ITGA11: variants seen among roughly 807,000 people sequenced by gnomAD.
ITGA11 encodes the protein integrin subunit alpha 11, also known as integrin alpha-11.
ITGA11 carries 97 observed loss-of-function variants against 141.9 expected under a neutral mutation model. The observed-to-expected ratio is 0.68, with a 90% CI of 0.58 to 0.81. ITGA11 has a LOEUF of 0.81. Ranked by LOEUF, ITGA11 falls within the 30% of genes least tolerant of loss-of-function variation. ITGA11 has a pLI of 0.00. For synonymous variants in ITGA11, 658 were observed against 624.6 expected (o/e 1.05, Z -0.80); for missense variants, 1,387 against 1,559.2 (o/e 0.89, Z 1.86).
intron 5 of ITGA11, 150 bp from the exon 6 acceptor site, chr15:68,358,735 A>C: frequency 1.2e-6 from 1 of 847,376 alleles, no homozygotes; most frequent in South Asian, 2.1e-5. Context: ...TTGGACATTT[A>C]TTTGGGCAAT....
Position 68,411,992 on chromosome 15 carries a change from TGAGCCCAGCA to T in ITGA11, c.53-8973_53-8964del, listed in dbSNP as rs533058390. 2.2e-4 allele frequency among the ~76,000 whole-genome samples: 34 copies of T among 152,178 alleles called. No homozygotes were observed. The East Asian group carries it at 6.6e-3, about 30-fold the overall frequency. ...CCCCCAAACTCACAAGCAAGCCCAGTGAGCCCAGCAGAGCCACTCAGTTGAGCTTAGCTTG... is the reference window on the plus strand; with the variant it reads ...CCCCCAAACTCACAAGCAAGCCCAGTGAGCCACTCAGTTGAGCTTAGCTTG... On this transcript the variant is annotated intron_variant, in intron 1 of 29. Transcript: ENST00000315757.
intron 20 of ITGA11, among the ~76,000 whole-genome samples, 182 bp downstream of exon 20, chr15:68,320,003 T>G (rs1893739741): frequency 6.6e-6 from 1 of 152,154 alleles, no homozygotes; most frequent in South Asian, 2.1e-4. Flanking sequence ...TTGCCCAGGC[T>G]GGCCTCAAAC....
At chr15:68,323,267 G>A (rs1221485109) in intron 18 of ITGA11, among the ~76,000 whole-genome samples, 1 of 152,126 alleles carries the variant, frequency 6.6e-6, no homozygotes, top group Non-Finnish European at 1.5e-5. Context: ...CAGGATAGGG[G>A]CTTTACGGCA....
At chr15:68,380,328 G>A (rs1051020958) in intron 2 of ITGA11, among the ~76,000 whole-genome samples, 9 of 152,140 alleles carry the variant, frequency 5.9e-5, no homozygotes, top group South Asian at 2.1e-4. Context: ...AGTGACCCAC[G>A]GTGAGTCACC....
At chr15:68,347,594 G>A (rs1400387821) in intron 10 of ITGA11, among the ~76,000 whole-genome samples, 1 of 152,134 alleles carries the variant, frequency 6.6e-6, no homozygotes, top group African/African-American at 2.4e-5. Flanking sequence ...TCACGCACAT[G>A]TCCCCCTCCC....
chr15:68,333,085 C>T lies in ITGA11; in HGVS notation c.1426-607G>A, dbSNP rs1044545657. ...ATGCATGTATCATAATGTGTTTAAT[C>T]AGTTATTGCTGGACGGTTAGCTTTT... On this transcript the variant is annotated intron_variant, in intron 12 of 29. Coordinates refer to ENST00000315757, the MANE Select transcript of ITGA11 (RefSeq NM_001004439.2). This position sits in a 1 kb window ranked among gnomAD's most constrained non-coding sequence, Gnocchi z 4.2. Among the ~76,000 whole-genome samples, 1 of 149,014 alleles carries T rather than the reference C, an allele frequency of 6.7e-6. No individual in the cohort carries two copies. Among genetic ancestry groups the T allele is most frequent in the African/African-American group, 2.5e-5 (1 of 40,170 alleles).
At chr15:68,373,040 TCA>T (rs1437885093) in intron 2 of ITGA11, among the ~76,000 whole-genome samples, 1 of 152,182 alleles carries the variant, frequency 6.6e-6, no homozygotes, top group Non-Finnish European at 1.5e-5. Context: ...TAAATAGAAC[TCA>T]CATTTATTTT....
At chr15:68,411,872 C>T (rs1024960891) in intron 1 of ITGA11, among the ~76,000 whole-genome samples, 13 of 152,052 alleles carry the variant, frequency 8.5e-5, no homozygotes, top group African/African-American at 2.4e-4. Flanking sequence ...CAACATGAGA[C>T]GGCTAGTCCA....
chr15:68,397,871 C>T (rs200693295), intron 2 of ITGA11, among the ~76,000 whole-genome samples: 1 of 145,488 alleles, frequency 6.9e-6, no homozygotes, highest in Non-Finnish European at 1.5e-5. Context: ...AGAAAAGAAT[C>T]TTCAACCCAG....
At chr15:68,425,006 TG>T (rs1278568071) in intron 1 of ITGA11, among the ~76,000 whole-genome samples, 1 of 152,246 alleles carries the variant, frequency 6.6e-6, no homozygotes, top group African/African-American at 2.4e-5. Context: ...GTGGGATCTG[TG>T]GGGTGCCTTC....
intron 10 of ITGA11, among the ~76,000 whole-genome samples, chr15:68,342,803 C>T (rs2140319193): frequency 6.6e-6 from 1 of 152,270 alleles, no homozygotes; most frequent in African/African-American, 2.4e-5. Flanking sequence ...GAGTCGAGGC[C>T]AGAGATGCTG....
intron 1 of ITGA11, among the ~76,000 whole-genome samples, chr15:68,430,115 A>C (rs938657413): frequency 6.6e-6 from 1 of 152,204 alleles, no homozygotes; most frequent in Non-Finnish European, 1.5e-5. Context: ...TGTTTAATGA[A>C]TCCCATATTT....
At chr15:68,320,444 G>C (rs1206102802) in intron 19 of ITGA11, 52 bp from the exon 20 acceptor site, 4 of 1,492,682 alleles carry the variant, frequency 2.7e-6, no homozygotes, top group Middle Eastern at 1.8e-4. Context: ...GGAAAGCAGG[G>C]GTAGAGAGGA....
intron 18 of ITGA11, among the ~76,000 whole-genome samples, chr15:68,323,774 C>G (rs984676787): frequency 2.0e-5 from 3 of 152,184 alleles, no homozygotes; most frequent in African/African-American, 7.2e-5. Flanking sequence ...ATGTCTGAAT[C>G]CTGCCTAGCC....
intron 2 of ITGA11, among the ~76,000 whole-genome samples, chr15:68,383,046 C>T (rs541249005): frequency 1.8e-3 from 277 of 152,198 alleles, no homozygotes; most frequent in African/African-American, 6.3e-3. Flanking sequence ...CCGAGGCAGG[C>T]GGATCACAAG....
intron 2 of ITGA11, among the ~76,000 whole-genome samples, chr15:68,398,053 C>CA (rs1238426333): frequency 6.6e-6 from 1 of 151,496 alleles, no homozygotes; most frequent in Non-Finnish European, 1.5e-5. Flanking sequence ...AAAATCATGC[C>CA]AAAATGTAAA....
chr15:68,396,657 A>T (rs957775950), intron 2 of ITGA11, among the ~76,000 whole-genome samples: 1 of 151,444 alleles, frequency 6.6e-6, no homozygotes, highest in Non-Finnish European at 1.5e-5. Flanking sequence ...ATCTGATTGT[A>T]TATGTAGAAA....
At chr15:68,418,814 T>C (rs1247103491) in intron 1 of ITGA11, among the ~76,000 whole-genome samples, 1 of 151,526 alleles carries the variant, frequency 6.6e-6, no homozygotes, top group Non-Finnish European at 1.5e-5. Flanking sequence ...ACTCCTAAGC[T>C]TGTCTCCTGC....
At position 68,326,106 on chromosome 15, in the gene ITGA11, G is replaced by A. The variant is rs1893964590; in HGVS notation, c.2211+548C>T. 6.6e-6 allele frequency among the ~76,000 whole-genome samples: 1 copy of A among 152,216 alleles called. No homozygotes were observed. Among genetic ancestry groups the A allele is most frequent in the Admixed American group, 6.5e-5 (1 of 15,278 alleles). On this transcript the variant is annotated intron_variant, in intron 17 of 29. Coordinates refer to ENST00000315757, the MANE Select transcript of ITGA11 (RefSeq NM_001004439.2). The surrounding 1 kb of genome is among the most constrained non-coding windows in gnomAD (Gnocchi z 6.8). Reference sequence around the variant, plus strand: ...GCCATTGAACTACTGGGACCAGGAGGGCTCTGAGTGACCCTGCTTGCATCT... The same window carrying A: ...GCCATTGAACTACTGGGACCAGGAGAGCTCTGAGTGACCCTGCTTGCATCT...
Sources: allele counts gnomAD v4.1 joint callset (sites outside exome capture counted in the v4.1 genomes callset), GRCh38; gene constraint gnomAD v4.1.1; non-coding constraint Gnocchi (gnomAD v3.1); transcripts MANE v1.5; gene names NCBI Gene and HGNC (gene_info 2026-07-23, HGNC 2026-07-21).